Variants in SUMF1 observed in about 807,000 individuals in gnomAD.
SUMF1 encodes the protein sulfatase modifying factor 1.
A neutral mutation model predicts 47.6 loss-of-function variants in SUMF1; 48 were observed. The ratio of observed to expected loss-of-function variants is 1.01; its 90% CI spans 0.80 to 1.28. The LOEUF is 1.28. Among genes scored for constraint, SUMF1 ranks in the 50% most tolerant of loss-of-function variants. The pLI is 0.00. For synonymous variants in SUMF1, 230 were observed against 192.1 expected, an observed-to-expected ratio of 1.20 and a Z score of -1.63; for missense variants, 571 against 485.4, an observed-to-expected ratio of 1.18 and a Z score of -1.66.
intron 8 of SUMF1, among the ~76,000 whole-genome samples, chr3:4,184,617 CT>C (rs1695162668): frequency 6.6e-6 from 1 of 151,184 alleles, no homozygotes; most frequent in East Asian, 1.9e-4. Context: ...CCAATACCAT[CT>C]GTCTATATAT....
At chr3:4,066,497 A>C (rs1695378597) in intron 9 of SUMF1, among the ~76,000 whole-genome samples, 1 of 152,044 alleles carries the variant, frequency 6.6e-6, no homozygotes, top group African/African-American at 2.4e-5. Flanking sequence ...TATCCGACAA[A>C]CTTTCCTTTC....
At chr3:4,230,385 T>C (rs1168970764) in intron 8 of SUMF1, among the ~76,000 whole-genome samples, 1 of 151,896 alleles carries the variant, frequency 6.6e-6, no homozygotes, top group Non-Finnish European at 1.5e-5. Flanking sequence ...AGAAGAAGAG[T>C]TCCTACAACC....
At chr3:4,448,959 C>T (rs1409108714) in intron 3 of SUMF1, among the ~76,000 whole-genome samples, 3 of 152,182 alleles carry the variant, frequency 2.0e-5, no homozygotes, top group African/African-American at 7.2e-5. Context: ...CTAGAAATGG[C>T]TATAAGTAAA....
At chr3:4,154,122 A>G (rs1207074606) in intron 8 of SUMF1, among the ~76,000 whole-genome samples, 2 of 151,570 alleles carry the variant, frequency 1.3e-5, no homozygotes, top group African/African-American at 4.9e-5. Context: ...AAGGTTTCTC[A>G]GAGGAGGAGG....
chr3:4,122,004 T>C (rs143452508), intron 8 of SUMF1, among the ~76,000 whole-genome samples: 3 of 152,282 alleles, frequency 2.0e-5, no homozygotes, highest in East Asian at 1.9e-4. Flanking sequence ...TTAAAAATAA[T>C]GGCCTCCAGC....
chr3:4,250,861 C>A (rs1407714095), intron 8 of SUMF1, among the ~76,000 whole-genome samples: 1 of 152,126 alleles, frequency 6.6e-6, no homozygotes, highest in African/African-American at 2.4e-5. Flanking sequence ...AATAGTACTG[C>A]TCATTGATAA....
intron 8 of SUMF1, among the ~76,000 whole-genome samples, chr3:4,314,709 C>A (rs563456972): frequency 2.6e-4 from 39 of 152,226 alleles, no homozygotes; most frequent in Non-Finnish European, 4.7e-4. Context: ...TTTTATGATC[C>A]CGTTTAAACT....
At chr3:4,148,647 CA>C (rs930989649) in intron 8 of SUMF1, among the ~76,000 whole-genome samples, 2 of 152,138 alleles carry the variant, frequency 1.3e-5, no homozygotes, top group African/African-American at 4.8e-5. Flanking sequence ...CATTGTAGTT[CA>C]AAAGCAGCCA....
intron 8 of SUMF1, among the ~76,000 whole-genome samples, chr3:4,236,571 T>G (rs999852366): frequency 1.9e-5 from 2 of 103,860 alleles, no homozygotes; most frequent in African/African-American, 3.9e-5. Flanking sequence ...ATGGGCAACA[T>G]AGTGAGACCC....
chr3:4,315,230 C>T (rs954148140), intron 8 of SUMF1, among the ~76,000 whole-genome samples: 1 of 152,206 alleles, frequency 6.6e-6, no homozygotes, highest in Non-Finnish European at 1.5e-5. Flanking sequence ...AATAAGGCAG[C>T]TTGTATCCCT....
chr3:4,129,748 G>A (rs1214562171), intron 8 of SUMF1, among the ~76,000 whole-genome samples: 2 of 152,114 alleles, frequency 1.3e-5, no homozygotes, highest in Non-Finnish European at 2.9e-5. Flanking sequence ...CTGATTCCAG[G>A]GGAAACAAAA....
At chr3:4,144,595 G>A (rs934834980) in intron 8 of SUMF1, among the ~76,000 whole-genome samples, 4 of 152,030 alleles carry the variant, frequency 2.6e-5, no homozygotes, top group African/African-American at 7.2e-5. Flanking sequence ...TAGACTTTAA[G>A]AAAAACTAAT....
At chr3:4,285,549 C>T (rs74357959) in intron 8 of SUMF1, among the ~76,000 whole-genome samples, 1,778 of 152,242 alleles carry the variant, frequency 0.012, 44 homozygotes, top group African/African-American at 0.041. Flanking sequence ...AATCTCTCTA[C>T]ATGAATACAA....
chr3:4,227,585 G>A (rs1696201833), intron 8 of SUMF1, among the ~76,000 whole-genome samples: 1 of 151,944 alleles, frequency 6.6e-6, no homozygotes, highest in African/African-American at 2.4e-5. Context: ...TCAAACACAG[G>A]GCTCCACACT....
intron 8 of SUMF1, among the ~76,000 whole-genome samples, chr3:4,153,513 G>A (rs539289294): frequency 4.9e-5 from 6 of 123,096 alleles, no homozygotes; most frequent in East Asian, 2.1e-4. Flanking sequence ...ACAATGCCCC[G>A]CCTTGTAGGT....
At chr3:4,291,150 A>T (rs1013885107) in intron 8 of SUMF1, among the ~76,000 whole-genome samples, 3 of 152,184 alleles carry the variant, frequency 2.0e-5, no homozygotes, top group Non-Finnish European at 4.4e-5. Flanking sequence ...TAACTCTATC[A>T]TGGTGCACTG....
At chr3:4,178,236 A>C (rs1021218601) in intron 8 of SUMF1, among the ~76,000 whole-genome samples, 3 of 152,114 alleles carry the variant, frequency 2.0e-5, no homozygotes, top group Non-Finnish European at 2.9e-5. Context: ...GAGACACAAC[A>C]AAAAAAGAGA....
intron 8 of SUMF1, among the ~76,000 whole-genome samples, chr3:4,170,523 T>G (rs1574947284): frequency 6.6e-6 from 1 of 152,180 alleles, no homozygotes; most frequent in Admixed American, 6.5e-5. Context: ...AATTTTAAAA[T>G]TGCATTTGAT....
intron 8 of SUMF1, among the ~76,000 whole-genome samples, chr3:4,346,336 C>T (rs909786609): frequency 7.9e-5 from 12 of 152,126 alleles, no homozygotes; most frequent in African/African-American, 2.9e-4. Flanking sequence ...GTCTCTCAGA[C>T]CACAGTGCAA....
Sources: gnomAD v4.1 joint callset for allele counts (sites outside exome capture counted in the v4.1 genomes callset) on GRCh38, gnomAD v4.1.1 for gene constraint, MANE v1.5 for transcripts, NCBI Gene and HGNC (gene_info 2026-07-23, HGNC 2026-07-21) for gene names.